CDH2: variants seen among roughly 807,000 people sequenced by gnomAD.
CDH2 encodes the protein cadherin-2.
A neutral mutation model predicts 92.0 loss-of-function variants in CDH2; 17 were observed. The observed-to-expected ratio is 0.18, with a 90% CI of 0.13 to 0.28. The LOEUF (loss-of-function observed/expected upper bound fraction) is 0.28. CDH2 is among the 10% of genes least tolerant of loss of function. The probability of loss-of-function intolerance (pLI) is 1.00; values close to 1 mark genes in which losing one functional copy is unlikely to be tolerated. For missense variants in CDH2, 862 were observed against 1,133.1 expected, an observed-to-expected ratio of 0.76 and a Z score of 3.44; for synonymous variants, 419 against 415.9, an observed-to-expected ratio of 1.01 and a Z score of -0.09.
chr18:28,012,233 T>C (rs3786420), intron 3 of CDH2, among the ~76,000 whole-genome samples: 6,568 of 152,278 alleles, frequency 0.043, 165 homozygotes, highest in South Asian at 0.069. Context: ...CACAGCTGTG[T>C]AAACTATTTG....
At chr18:28,007,077 T>C (rs4470234) in intron 5 of CDH2, among the ~76,000 whole-genome samples, 2,368 of 148,886 alleles carry the variant, frequency 0.016, 49 homozygotes, top group African/African-American at 0.051. Flanking sequence ...GGAGAATTGC[T>C]TGAACCTGGG....
intron 2 of CDH2, among the ~76,000 whole-genome samples, chr18:28,077,890 CAAAAAAAAAA>C (rs71171659): frequency 3.6e-4 from 24 of 67,358 alleles, no homozygotes; most frequent in African/African-American, 1.1e-3. Context: ...GACCCTGTCT[CAAAAAAAAAA>C]AAAAAAAAAA....
chr18:28,088,224 T>C (rs778897487), intron 2 of CDH2, among the ~76,000 whole-genome samples: 43 of 152,202 alleles, frequency 2.8e-4, no homozygotes, highest in Non-Finnish European at 5.0e-4. Flanking sequence ...AATTTCTTTT[T>C]CTACTTTTCT....
intron 14 of CDH2, among the ~76,000 whole-genome samples, chr18:27,977,149 C>T (rs1180946983): frequency 1.5e-5 from 1 of 66,660 alleles, no homozygotes; most frequent in Non-Finnish European, 3.0e-5. Flanking sequence ...ACTTCACTCT[C>T]TGAAAAGAGA....
In CDH2 at chr18:27,951,275, G is replaced by C. The variant is rs750103721; in HGVS notation, c.*878C>G. 1.3e-5 allele frequency: 2 copies of C among 151,008 alleles called. No homozygotes were observed. The highest frequency in any genetic ancestry group is 2.9e-5 in the Non-Finnish European group (2 of 67,830). 9.4% of individuals were successfully genotyped at this position (151,008 alleles called of 1,614,324 possible). ...AAAAATTAAAAAAATTAAAAATTGA[G>C]TATTCTAACTACAGCTCAACAATTG... On this transcript the variant is annotated 3_prime_UTR_variant, in exon 16 of 16. Coordinates refer to ENST00000269141, the MANE Select transcript of CDH2 (RefSeq NM_001792.5).
chr18:27,952,012 ATTGG>A lies in CDH2; in HGVS notation c.*137_*140del. 1 of 693,480 alleles carries A rather than the reference ATTGG, an allele frequency of 1.4e-6. No individual in the cohort carries two copies. 43.0% of individuals were successfully genotyped at this position (693,480 alleles called of 1,614,324 possible). A position where few individuals can be genotyped will look rare whatever the true frequency, so the allele number is the denominator to read the frequency against. ...TCACTGATATTCCCTCTGAGCCCAA[ATTGG>A]TTTGCAGCCTATGCCAAAGCCTCCA... On this transcript the variant is annotated 3_prime_UTR_variant, in exon 16 of 16. Coordinates refer to ENST00000269141, the MANE Select transcript of CDH2 (RefSeq NM_001792.5).
chr18:28,095,319 G>T (rs553033335), intron 2 of CDH2, among the ~76,000 whole-genome samples: 1 of 152,306 alleles, frequency 6.6e-6, no homozygotes, highest in South Asian at 2.1e-4. Context: ...AATGGCTCAT[G>T]CCTATGATCC....
intron 2 of CDH2, among the ~76,000 whole-genome samples, chr18:28,042,584 T>C (rs551771796): frequency 8.5e-5 from 13 of 152,300 alleles, no homozygotes; most frequent in African/African-American, 1.2e-4. Context: ...GGGTACCTAT[T>C]ATGTTCCAGG....
At chr18:28,101,412 G>A (rs554324751) in intron 2 of CDH2, among the ~76,000 whole-genome samples, 1 of 152,084 alleles carries the variant, frequency 6.6e-6, no homozygotes, top group Non-Finnish European at 1.5e-5. Flanking sequence ...CTGCCATAAT[G>A]AAGTTAGTGG....
At chr18:27,968,993 T>C (rs934095572) in intron 14 of CDH2, among the ~76,000 whole-genome samples, 1 of 152,184 alleles carries the variant, frequency 6.6e-6, no homozygotes, top group African/African-American at 2.4e-5. Flanking sequence ...TGTCAACATA[T>C]TACCAAACAA....
downstream of CDH2, among the ~76,000 whole-genome samples, chr18:27,947,223 T>C (rs1909290070): frequency 6.6e-6 from 1 of 151,748 alleles, no homozygotes; most frequent in Non-Finnish European, 1.5e-5. Flanking sequence ...GAAATAAAAG[T>C]TGATAAATCT....
intron 14 of CDH2, among the ~76,000 whole-genome samples, chr18:27,964,972 G>A (rs1212102394): frequency 1.3e-5 from 2 of 152,174 alleles, no homozygotes; most frequent in Non-Finnish European, 2.9e-5. Flanking sequence ...GAGACAAAGG[G>A]AAGGAAAAGG....
At chr18:28,104,125 G>T (rs2015282146) in intron 2 of CDH2, among the ~76,000 whole-genome samples, 1 of 152,048 alleles carries the variant, frequency 6.6e-6, no homozygotes, top group Non-Finnish European at 1.5e-5. Context: ...AATTCCAGCA[G>T]GTTGTGTTAT....
intron 2 of CDH2, among the ~76,000 whole-genome samples, chr18:28,071,202 C>A (rs912340120): frequency 1.3e-5 from 2 of 152,182 alleles, no homozygotes; most frequent in South Asian, 4.2e-4. Context: ...TTTTCTTTCA[C>A]GGTTTTCTGC....
chr18:27,970,966 G>A (rs1194908100), intron 14 of CDH2, among the ~76,000 whole-genome samples: 4 of 152,240 alleles, frequency 2.6e-5, no homozygotes, highest in Middle Eastern at 6.8e-3. Context: ...GGCTGGGCGC[G>A]GTGGCTTACG....
At chr18:28,028,660 GC>G (rs1408205736) in intron 2 of CDH2, among the ~76,000 whole-genome samples, 1 of 152,048 alleles carries the variant, frequency 6.6e-6, no homozygotes, top group Non-Finnish European at 1.5e-5. Flanking sequence ...AATATTTACT[GC>G]AAATTGAACA....
At chr18:28,046,013 A>G (rs1358970152) in intron 2 of CDH2, among the ~76,000 whole-genome samples, 2 of 152,152 alleles carry the variant, frequency 1.3e-5, no homozygotes, top group Non-Finnish European at 2.9e-5. Context: ...TTAAGAAAAC[A>G]CTCCATCAGA....
At chr18:28,159,655 T>C (rs2016275264) in intron 1 of CDH2, among the ~76,000 whole-genome samples, 1 of 145,702 alleles carries the variant, frequency 6.9e-6, no homozygotes, top group Admixed American at 6.7e-5. Context: ...CTGCAATTTT[T>C]TTGTTTTTTT....
chr18:27,993,290 A>T (rs1599017607), intron 8 of CDH2, among the ~76,000 whole-genome samples: 1 of 152,234 alleles, frequency 6.6e-6, no homozygotes, highest in South Asian at 2.1e-4. Context: ...TTATTTTAAC[A>T]ACTTTAACAG....
Sources: allele counts gnomAD v4.1 joint callset (sites outside exome capture counted in the v4.1 genomes callset), GRCh38; gene constraint gnomAD v4.1.1; transcripts MANE v1.5; gene names NCBI Gene and HGNC (gene_info 2026-07-23, HGNC 2026-07-21).